ZFPM2: variants seen among roughly 807,000 people sequenced by gnomAD.
The protein encoded by ZFPM2 is zinc finger protein ZFPM2.
In ZFPM2, 20 loss-of-function variants were observed where a neutral mutation model predicts 98.6. The observed-to-expected ratio is 0.20, with a 90% CI of 0.14 to 0.29. The LOEUF is 0.29. Ranked by LOEUF, ZFPM2 falls within the 10% of genes least tolerant of loss-of-function variation. ZFPM2 has a pLI of 1.00. For synonymous variants in ZFPM2, 518 were observed against 502.7 expected, an observed-to-expected ratio of 1.03 and a Z score of -0.41; for missense variants, 1,310 against 1,388.6, an observed-to-expected ratio of 0.94 and a Z score of 0.90.
At chr8:105,504,551 C>T (rs1813658134) in intron 3 of ZFPM2, among the ~76,000 whole-genome samples, 1 of 152,052 alleles carries the variant, frequency 6.6e-6, no homozygotes, top group East Asian at 1.9e-4. Context: ...AGTTTGACTT[C>T]TGTGATAGAT....
rs530796352 is a variant in ZFPM2 at position 105,661,721 on chromosome 8, C to T, written c.532+27364C>T. ...CATGGCTGGACTAAAGTTGTGTCAA[C>T]GGGAGACTTGCACCATAAAGACTGA... is the stretch of plus-strand genomic sequence containing the variant. On this transcript the variant is annotated intron_variant, in intron 5 of 7. Coordinates refer to ENST00000407775, the MANE Select transcript of ZFPM2 (RefSeq NM_012082.4). Among the ~76,000 whole-genome samples the T allele has an allele frequency of 1.8e-4, 27 of 151,606 alleles. 1 individual carries two copies. In the South Asian group the frequency reaches 4.2e-3, roughly 23 times the overall value.
chr8:105,377,002 A>G (rs1354022632), intron 1 of ZFPM2, among the ~76,000 whole-genome samples: 1 of 152,132 alleles, frequency 6.6e-6, no homozygotes, highest in Non-Finnish European at 1.5e-5. Context: ...ATCTTGTACC[A>G]TGGTCCTCTC....
chr8:105,347,696 G>T (rs1812564853), intron 1 of ZFPM2, among the ~76,000 whole-genome samples: 1 of 152,138 alleles, frequency 6.6e-6, no homozygotes, highest in Non-Finnish European at 1.5e-5. Context: ...CTACCGCACA[G>T]TTGGTTTGAG....
intron 6 of ZFPM2, among the ~76,000 whole-genome samples, chr8:105,796,428 A>T (rs561158700): frequency 6.6e-6 from 1 of 152,356 alleles, no homozygotes; most frequent in East Asian, 1.9e-4. Flanking sequence ...TGGACCCTTT[A>T]CTAAACTGTG....
At chr8:105,554,126 C>T (rs556073512) in intron 3 of ZFPM2, among the ~76,000 whole-genome samples, 37 of 152,254 alleles carry the variant, frequency 2.4e-4, no homozygotes, top group Middle Eastern at 3.4e-3. Context: ...AAAAGTATCT[C>T]TATAAGGCAA....
chr8:105,734,003 T>C (rs1378793500), intron 5 of ZFPM2, among the ~76,000 whole-genome samples: 1 of 151,814 alleles, frequency 6.6e-6, no homozygotes, highest in African/African-American at 2.4e-5. Flanking sequence ...CCAGCCAACA[T>C]TAGGAAGGAG....
intron 3 of ZFPM2, among the ~76,000 whole-genome samples, chr8:105,488,488 G>A (rs1474287442): frequency 2.0e-5 from 3 of 152,188 alleles, no homozygotes; most frequent in South Asian, 2.1e-4. Flanking sequence ...ACAGCCGGGC[G>A]CGGTGGTTTA....
At chr8:105,381,446 C>T (rs1198825454) in intron 1 of ZFPM2, among the ~76,000 whole-genome samples, 1 of 152,052 alleles carries the variant, frequency 6.6e-6, no homozygotes, top group Non-Finnish European at 1.5e-5. Context: ...GATACCCAAA[C>T]TAGAGAACTC....
chr8:105,621,651 A>T (rs1338766133), intron 4 of ZFPM2, among the ~76,000 whole-genome samples: 2 of 152,186 alleles, frequency 1.3e-5, no homozygotes, highest in Non-Finnish European at 2.9e-5. Flanking sequence ...AATGAGCTTG[A>T]TTATTAATAT....
intron 5 of ZFPM2, among the ~76,000 whole-genome samples, chr8:105,696,964 G>C (rs1811032307): frequency 6.6e-6 from 1 of 152,076 alleles, no homozygotes; most frequent in African/African-American, 2.4e-5. Context: ...ATTTGATTAT[G>C]AAAGTCTTAT....
intron 3 of ZFPM2, among the ~76,000 whole-genome samples, chr8:105,508,863 T>TAAA (rs1359631541): frequency 0.051 from 7,658 of 149,378 alleles, 559 homozygotes; most frequent in African/African-American, 0.16. Context: ...AAAAAAAAAT[T>TAAA]TTTTTTTTAA....
chr8:105,744,933 T>A (rs548136623), intron 5 of ZFPM2, among the ~76,000 whole-genome samples: 1 of 152,270 alleles, frequency 6.6e-6, no homozygotes, highest in South Asian at 2.1e-4. Flanking sequence ...CTGTGGCAAT[T>A]CTTGACAAAG....
intron 3 of ZFPM2, chr8:105,451,479 G>GGA (rs1373936990): frequency 3.9e-5 from 6 of 152,184 alleles, no homozygotes; most frequent in African/African-American, 1.4e-4. Context: ...TAGGGTTGTT[G>GGA]GAGATATAAT....
At chr8:105,537,507 C>A (rs1814479009) in intron 3 of ZFPM2, among the ~76,000 whole-genome samples, 2 of 152,052 alleles carry the variant, frequency 1.3e-5, no homozygotes, top group Non-Finnish European at 2.9e-5. Context: ...AAAACCCTAT[C>A]TCTAAAATAA....
chr8:105,677,680 T>A (rs1401252837), intron 5 of ZFPM2, among the ~76,000 whole-genome samples: 1 of 151,014 alleles, frequency 6.6e-6, no homozygotes. Flanking sequence ...GATTTGGGAA[T>A]TATTTTTCAG....
At position 105,724,674 on chromosome 8, in the gene ZFPM2, G is replaced by A. The variant is rs200722367; in HGVS notation, c.533-64044G>A. On this transcript the variant is annotated intron_variant, in intron 5 of 7. Coordinates refer to ENST00000407775, the MANE Select transcript of ZFPM2 (RefSeq NM_012082.4). Reference sequence around the variant, plus strand: ...TGTATGCAGTTATGATTATTACTGCGTCTTTACATTTGTTTAAATTTCTCT... The same window carrying A: ...TGTATGCAGTTATGATTATTACTGCATCTTTACATTTGTTTAAATTTCTCT... Among the ~76,000 whole-genome samples the A allele has an allele frequency of 5.6e-4, 85 of 151,818 alleles. 1 individual carries two copies. The highest frequency in any genetic ancestry group is 2.8e-3 in the Admixed American group (43 of 15,202).
At chr8:105,797,826 T>A (rs1410328928) in intron 6 of ZFPM2, among the ~76,000 whole-genome samples, 1 of 152,236 alleles carries the variant, frequency 6.6e-6, no homozygotes, top group African/African-American at 2.4e-5. Flanking sequence ...GCCATCAGCC[T>A]CTTTTCCATG....
At chr8:105,426,386 A>C (rs1468689253) in intron 2 of ZFPM2, among the ~76,000 whole-genome samples, 1 of 152,042 alleles carries the variant, frequency 6.6e-6, no homozygotes, top group Admixed American at 6.6e-5. Flanking sequence ...TTTTCTCTGG[A>C]TTTGGCTGGA....
intron 2 of ZFPM2, among the ~76,000 whole-genome samples, chr8:105,426,329 T>G (rs762338869): frequency 4.6e-5 from 7 of 152,198 alleles, no homozygotes; most frequent in Non-Finnish European, 7.3e-5. Context: ...AGGAACTGTT[T>G]GTGCAAATCG....
Sources: gnomAD v4.1 joint callset for allele counts (sites outside exome capture counted in the v4.1 genomes callset) on GRCh38, gnomAD v4.1.1 for gene constraint, MANE v1.5 for transcripts, NCBI Gene and HGNC (gene_info 2026-07-23, HGNC 2026-07-21) for gene names.